GLT8D2: variants seen among roughly 807,000 people sequenced by gnomAD.
GLT8D2 encodes glycosyltransferase 8 domain containing 2.
A neutral mutation model predicts 44.5 loss-of-function variants in GLT8D2; 45 were observed. The observed-to-expected ratio is 1.01, with a 90% CI of 0.80 to 1.30. GLT8D2 has a LOEUF of 1.30. GLT8D2 is among the 50% of genes most tolerant of loss of function. The pLI, the probability that GLT8D2 is intolerant of heterozygous loss-of-function variation, is 0.00. For missense variants in GLT8D2, 400 were observed against 430.4 expected, an observed-to-expected ratio of 0.93 and a Z score of 0.62; for synonymous variants, 156 against 157.2, an observed-to-expected ratio of 0.99 and a Z score of 0.06.
Position 104,021,950 on chromosome 12 carries a change from AGAAGAGGAAGAAGAG to A in GLT8D2, c.-163-474_-163-460del, listed in dbSNP as rs1566202535. Reference sequence around the variant, plus strand: ...AAGAAGAAGAAGAAGAAGAAGAAGAAGAAGAGGAAGAAGAGGAAGAGGAAGAGGAAGAGGAAGAAG... The same window carrying A: ...AAGAAGAAGAAGAAGAAGAAGAAGAAGAAGAGGAAGAGGAAGAGGAAGAAG... On this transcript the variant is annotated intron_variant, in intron 1 of 10. Coordinates refer to ENST00000360814, the MANE Select transcript of GLT8D2 (RefSeq NM_001384711.1). Among the ~76,000 whole-genome samples, 19 of 25,592 alleles carry A rather than the reference AGAAGAGGAAGAAGAG, an allele frequency of 7.4e-4. 4 individuals carry two copies. The highest frequency in any genetic ancestry group is 1.4e-3 in the Admixed American group (3 of 2,182). The allele number at this position is 25,592 out of a possible 152,430, so 16.8% of individuals were successfully genotyped here.
chr12:104,063,145 C>G (rs1882828256), intron 1 of GLT8D2, among the ~76,000 whole-genome samples: 1 of 152,184 alleles, frequency 6.6e-6, no homozygotes. Context: ...TTCCATGAAA[C>G]CGGTCCCTAG....
At chr12:103,992,223 C>T (rs1872825175) in intron 10 of GLT8D2, among the ~76,000 whole-genome samples, 2 of 152,242 alleles carry the variant, frequency 1.3e-5, no homozygotes, top group African/African-American at 4.8e-5. Context: ...CCGTAACCTG[C>T]CCCAAATCAT....
intron 1 of GLT8D2, among the ~76,000 whole-genome samples, chr12:104,032,607 T>TA (rs1418885069): frequency 1.3e-5 from 2 of 151,038 alleles, no homozygotes; most frequent in East Asian, 3.9e-4. Flanking sequence ...CAAACCACAA[T>TA]AGGATATCAC....
At chr12:104,008,898 G>A (rs545769695) in intron 4 of GLT8D2, among the ~76,000 whole-genome samples, 2 of 152,378 alleles carry the variant, frequency 1.3e-5, no homozygotes, top group East Asian at 1.9e-4. Flanking sequence ...GAGCCTGTGA[G>A]TGCACAGAAG....
intron 4 of GLT8D2, among the ~76,000 whole-genome samples, chr12:104,005,786 A>G (rs897016456): frequency 1.3e-5 from 2 of 152,158 alleles, no homozygotes; most frequent in African/African-American, 4.8e-5. Flanking sequence ...CTGTTGGTGG[A>G]ACTGTAAACT....
chr12:104,056,136 C>T (rs892812037), intron 1 of GLT8D2, among the ~76,000 whole-genome samples: 1 of 152,206 alleles, frequency 6.6e-6, no homozygotes, highest in African/African-American at 2.4e-5. Context: ...TAGCCTGGAG[C>T]CCTGCCTTGC....
chr12:104,023,104 T>C (rs1178227212), intron 1 of GLT8D2, among the ~76,000 whole-genome samples: 7 of 152,196 alleles, frequency 4.6e-5, no homozygotes, highest in African/African-American at 9.7e-5. Flanking sequence ...TTTCCTACTG[T>C]GAGTTTCTTT....
At chr12:103,994,168 A>C in intron 9 of GLT8D2, 167 bp downstream of exon 9, 2 of 510,804 alleles carry the variant, frequency 3.9e-6, no homozygotes, top group Non-Finnish European at 3.3e-6. Context: ...TCTTTTGAGG[A>C]AAGGTTTTAA....
chr12:104,035,544 C>T (rs1007339532), intron 1 of GLT8D2, among the ~76,000 whole-genome samples: 10 of 151,946 alleles, frequency 6.6e-5, no homozygotes, highest in African/African-American at 1.2e-4. Flanking sequence ...ATAGCCAATT[C>T]GATCAGGTGG....
upstream of GLT8D2, among the ~76,000 whole-genome samples, chr12:104,051,605 ATCC>A (rs1261157457): frequency 6.6e-6 from 1 of 152,148 alleles, no homozygotes; most frequent in Admixed American, 6.5e-5. Context: ...AACATTCAAT[ATCC>A]TCCTTCTAGC....
intron 1 of GLT8D2, among the ~76,000 whole-genome samples, chr12:104,027,651 G>A (rs1245450086): frequency 6.6e-6 from 1 of 152,162 alleles, no homozygotes; most frequent in African/African-American, 2.4e-5. Context: ...TAATTTGCAC[G>A]CAGCTCCAGG....
intron 4 of GLT8D2, chr12:104,012,688 ATTGTGTCCTCCAGAGTCC>A: frequency 1.6e-6 from 1 of 622,870 alleles, no homozygotes; most frequent in Non-Finnish European, 2.9e-6. Flanking sequence ...TATGGACTGA[ATTGTGTCCTCCAGAGTCC>A]GTTTGTTAAC....
chr12:104,010,948 G>C (rs1875753759), intron 4 of GLT8D2, among the ~76,000 whole-genome samples: 1 of 152,198 alleles, frequency 6.6e-6, no homozygotes, highest in Admixed American at 6.5e-5. Context: ...GGAAGCACAA[G>C]GTAAAAGGAA....
At chr12:104,018,859 C>G (rs1877241956) in intron 3 of GLT8D2, among the ~76,000 whole-genome samples, 3 of 152,134 alleles carry the variant, frequency 2.0e-5, no homozygotes, top group African/African-American at 7.2e-5. Context: ...GCAACTCTAC[C>G]CTGAGGGTCA....
chr12:103,997,967 C>A (rs1873690961), intron 6 of GLT8D2, among the ~76,000 whole-genome samples: 1 of 148,786 alleles, frequency 6.7e-6, no homozygotes, highest in South Asian at 2.1e-4. Context: ...GTGTGTCATT[C>A]CAACAGCAAG....
chr12:104,038,514 G>A (rs1880174053), intron 1 of GLT8D2, among the ~76,000 whole-genome samples: 1 of 152,112 alleles, frequency 6.6e-6, no homozygotes, highest in East Asian at 1.9e-4. Context: ...GACAAACAGA[G>A]AGCCAAATCA....
In GLT8D2 at chr12:104,019,658, C is replaced by T. The variant is rs11553765; in HGVS notation, c.-10G>A. The T allele has an allele frequency of 0.1, 167,939 of 1,602,518 alleles. 10,722 individuals carry two copies. Among genetic ancestry groups the T allele is most frequent in the East Asian group, 0.31 (13,969 of 44,594 alleles). On this transcript the variant is annotated 5_prime_UTR_variant, in exon 3 of 11. It adds an upstream start codon to the 5' untranslated region. Coordinates refer to ENST00000360814, the MANE Select transcript of GLT8D2 (RefSeq NM_001384711.1). ...TTCGTAACAGAGCCATGTGTATTCA[C>T]GCGGATAAGAACTGTAACCTGTGGA...
At chr12:104,001,672 C>G (rs1874233668) in intron 5 of GLT8D2, among the ~76,000 whole-genome samples, 1 of 147,280 alleles carries the variant, frequency 6.8e-6, no homozygotes, top group South Asian at 2.3e-4. Context: ...CTATTAATAA[C>G]ACAGAAAAAC....
At chr12:104,013,462 A>AT (rs1257301395) in intron 4 of GLT8D2, among the ~76,000 whole-genome samples, 3 of 152,138 alleles carry the variant, frequency 2.0e-5, no homozygotes, top group African/African-American at 7.2e-5. Flanking sequence ...GTTGATGTAC[A>AT]TGTGAATTGT....
Sources: gnomAD v4.1 joint callset for allele counts (sites outside exome capture counted in the v4.1 genomes callset) on GRCh38, gnomAD v4.1.1 for gene constraint, MANE v1.5 for transcripts, NCBI Gene and HGNC (gene_info 2026-07-23, HGNC 2026-07-21) for gene names.